Variants in NCOR1 observed in about 807,000 individuals in gnomAD.
The protein encoded by NCOR1 is protein phosphatase 1, regulatory subunit 109.
Under a neutral mutation model 288.1 loss-of-function variants are expected in NCOR1, and 63 were observed. The observed-to-expected ratio is 0.22, with a 90% CI of 0.18 to 0.27. NCOR1 has a LOEUF of 0.27. Ranked by LOEUF, NCOR1 falls within the 10% of genes least tolerant of loss-of-function variation. NCOR1 has a pLI of 1.00. For missense variants in NCOR1, 2,397 were observed against 3,019.2 expected, an observed-to-expected ratio of 0.79 and a Z score of 4.83; for synonymous variants, 1,007 against 1,065.9, an observed-to-expected ratio of 0.94 and a Z score of 1.08.
intron 26 of NCOR1, among the ~76,000 whole-genome samples, chr17:16,077,590 G>GAGGGGGAGGGGAGA (rs2062750856): frequency 2.0e-5 from 1 of 48,924 alleles, no homozygotes; most frequent in Non-Finnish European, 3.8e-5. Flanking sequence ...AGGGGGAGGG[G>GAGGGGGAGGGGAGA]AGAAGGGAGG....
chr17:16,126,347 C>G, intron 14 of NCOR1, 141 bp from the exon 15 acceptor site: 1 of 848,142 alleles, frequency 1.2e-6, no homozygotes, highest in Non-Finnish European at 1.7e-6. Context: ...GTGTTAAAAA[C>G]CAGTCTAGAG....
chr17:16,052,305 T>A (rs930579432), intron 40 of NCOR1, among the ~76,000 whole-genome samples: 2 of 152,038 alleles, frequency 1.3e-5, no homozygotes, highest in African/African-American at 4.8e-5. Context: ...ATTAGAGGCA[T>A]GAGCCACGGC....
chr17:16,092,916 C>T (rs942458119), intron 21 of NCOR1, among the ~76,000 whole-genome samples: 1 of 150,972 alleles, frequency 6.6e-6, no homozygotes, highest in African/African-American at 2.4e-5. Context: ...GTTGGCCAGG[C>T]TGGTCTCGAA....
chr17:16,110,888 A>G (rs2069969824), intron 18 of NCOR1, among the ~76,000 whole-genome samples: 1 of 152,240 alleles, frequency 6.6e-6, no homozygotes, highest in Non-Finnish European at 1.5e-5. Context: ...AATGCAAGAG[A>G]ATCCCAGAGA....
intron 18 of NCOR1, among the ~76,000 whole-genome samples, chr17:16,114,154 A>C (rs911369765): frequency 2.2e-5 from 3 of 133,522 alleles, no homozygotes; most frequent in African/African-American, 7.7e-5. Flanking sequence ...AAAAAAAAAA[A>C]AAAAAAAAAA....
chr17:16,092,931 T>C (rs981232566), intron 21 of NCOR1, among the ~76,000 whole-genome samples: 9 of 151,476 alleles, frequency 5.9e-5, no homozygotes, highest in African/African-American at 2.2e-4. Flanking sequence ...CTCGAACTCC[T>C]GGCCTCAAGT....
chr17:16,107,764 C>T (rs766363710), intron 19 of NCOR1, among the ~76,000 whole-genome samples: 7 of 152,146 alleles, frequency 4.6e-5, no homozygotes, highest in South Asian at 2.1e-4. Context: ...ACCCTACCCT[C>T]GGGTGGGACT....
At chr17:16,058,261 C>A in intron 38 of NCOR1, 197 bp from the exon 39 acceptor site, 1 of 865,274 alleles carries the variant, frequency 1.2e-6, no homozygotes, top group African/African-American at 1.7e-5. Flanking sequence ...AATATAAATG[C>A]AGAAGTAAGC....
At chr17:16,213,060 A>G (rs1039874024) in intron 1 of NCOR1, among the ~76,000 whole-genome samples, 7 of 46,536 alleles carry the variant, frequency 1.5e-4, no homozygotes, top group Non-Finnish European at 3.4e-4. Context: ...CTGTCTCCAA[A>G]AAAAAAAAAA....
intron 45 of NCOR1, among the ~76,000 whole-genome samples, chr17:16,033,799 G>T (rs143541854): frequency 3.0e-4 from 45 of 152,234 alleles, no homozygotes; most frequent in Middle Eastern, 3.4e-3. Flanking sequence ...CGTACAGACA[G>T]ATGATGGCTT....
At chr17:16,078,363 G>A (rs1441215267) in intron 26 of NCOR1, among the ~76,000 whole-genome samples, 3 of 152,058 alleles carry the variant, frequency 2.0e-5, no homozygotes, top group African/African-American at 7.2e-5. Flanking sequence ...AATCCTTAAC[G>A]CCCACTTCAG....
chr17:16,206,077 A>ATC (rs1197418226), intron 1 of NCOR1, among the ~76,000 whole-genome samples: 2 of 152,098 alleles, frequency 1.3e-5, no homozygotes, highest in Non-Finnish European at 2.9e-5. Context: ...AAACTGTAAT[A>ATC]TCTAGTATTG....
chr17:16,138,253 A>G, intron 12 of NCOR1, 41 bp from the exon 13 acceptor site: 1 of 1,526,642 alleles, frequency 6.6e-7, no homozygotes, highest in South Asian at 1.2e-5. Context: ...GCGTACAAAT[A>G]TTTCAACAAC....
At chr17:16,101,132 G>GACTACC (rs1719358471) in intron 20 of NCOR1, 118 bp downstream of exon 20, 1 of 988,938 alleles carries the variant, frequency 1.0e-6, no homozygotes, top group Admixed American at 2.4e-5. Flanking sequence ...AAATTGTACA[G>GACTACC]ACTACCTATA....
At chr17:16,091,429 G>C (rs775980022) in intron 22 of NCOR1, 4 of 449,572 alleles carry the variant, frequency 8.9e-6, no homozygotes, top group Admixed American at 5.4e-5. Context: ...CAAGGTGAAG[G>C]CTTAGCCAGC....
intron 8 of NCOR1, among the ~76,000 whole-genome samples, chr17:16,149,917 C>A (rs923562447): frequency 1.3e-5 from 2 of 152,124 alleles, no homozygotes; most frequent in African/African-American, 2.4e-5. Context: ...CAGGTGCTAA[C>A]CTCCCTTCTA....
intron 11 of NCOR1, among the ~76,000 whole-genome samples, chr17:16,140,058 C>T (rs908599883): frequency 1.3e-5 from 2 of 152,234 alleles, no homozygotes; most frequent in East Asian, 1.9e-4. Flanking sequence ...TAGATGCTTA[C>T]AAATGTTTCC....
chr17:16,152,301 C>T (rs1215001798), intron 7 of NCOR1, among the ~76,000 whole-genome samples: 3 of 152,110 alleles, frequency 2.0e-5, no homozygotes, highest in African/African-American at 4.8e-5. Flanking sequence ...CTATCCCTCC[C>T]CCATGCCCCA....
Position 16,215,478 on chromosome 17 carries a change from C to A in NCOR1, c.-187G>T, listed in dbSNP as rs1314892480. On this transcript the variant is annotated 5_prime_UTR_variant, in exon 1 of 46. The change creates a premature stop within an existing upstream ORF in the 5' untranslated region. Transcript: ENST00000268712. ...CGGCGCGGCGAGTCGGACGCTCACT[C>A]CAGCCGCCGCCGCCGCCGCGGCTGC... 3 of 398,708 alleles carry A rather than the reference C, an allele frequency of 7.5e-6. No homozygotes were observed. The highest frequency in any genetic ancestry group is 4.1e-5 in the African/African-American group (2 of 48,716). 24.7% of individuals were successfully genotyped at this position (398,708 alleles called of 1,614,324 possible). A position where few individuals can be genotyped will look rare whatever the true frequency, so the allele number is the denominator to read the frequency against.
Sources: gnomAD v4.1 joint callset for allele counts (sites outside exome capture counted in the v4.1 genomes callset) on GRCh38, gnomAD v4.1.1 for gene constraint, MANE v1.5 for transcripts, NCBI Gene and HGNC (gene_info 2026-07-23, HGNC 2026-07-21) for gene names.